GABRB1: variants seen among roughly 807,000 people sequenced by gnomAD.
The protein encoded by GABRB1 is gamma-aminobutyric acid type A receptor subunit beta1, also known as gamma-aminobutyric acid receptor subunit beta-1.
In GABRB1, 17 loss-of-function variants were observed where a neutral mutation model predicts 51.6. The ratio of observed to expected loss-of-function variants is 0.33; its 90% CI spans 0.23 to 0.49. The LOEUF (loss-of-function observed/expected upper bound fraction) is 0.49, where lower values mean the gene tolerates loss of function less well. Ranked by LOEUF, GABRB1 falls within the 20% of genes least tolerant of loss-of-function variation. The pLI, the probability that GABRB1 is intolerant of heterozygous loss-of-function variation, is 0.99. For missense variants in GABRB1, 410 were observed against 600.6 expected (o/e 0.68, Z 3.32); for synonymous variants, 247 against 218.9 (o/e 1.13, Z -1.14).
intron 4 of GABRB1, among the ~76,000 whole-genome samples, chr4:47,162,942 T>C (rs982370304): frequency 2.0e-5 from 3 of 152,086 alleles, no homozygotes; most frequent in Admixed American, 6.6e-5. Context: ...AGCCTCACAC[T>C]AGTTCTCATA....
intron 5 of GABRB1, among the ~76,000 whole-genome samples, chr4:47,377,052 A>C (rs559915409): frequency 5.4e-5 from 8 of 149,486 alleles, no homozygotes; most frequent in South Asian, 2.1e-4. Flanking sequence ...ATAAAAAAAA[A>C]GGGTAGAGAG....
intron 3 of GABRB1, among the ~76,000 whole-genome samples, chr4:47,099,693 A>C (rs953633727): frequency 5.3e-5 from 8 of 152,028 alleles, no homozygotes; most frequent in Non-Finnish European, 1.0e-4. Flanking sequence ...GTCTCTGTAG[A>C]GCTGGTGAGT....
chr4:47,016,801 G>A (rs1407988379), intron 1 of GABRB1, among the ~76,000 whole-genome samples: 1 of 152,024 alleles, frequency 6.6e-6, no homozygotes, highest in Non-Finnish European at 1.5e-5. Context: ...TATGGGCCAG[G>A]CTGGTCTCCA....
intron 8 of GABRB1, among the ~76,000 whole-genome samples, chr4:47,420,484 C>T (rs1029463007): frequency 2.0e-5 from 3 of 152,154 alleles, no homozygotes; most frequent in African/African-American, 7.2e-5. Flanking sequence ...CTTAGAAATC[C>T]AGTATGTTAA....
intron 4 of GABRB1, among the ~76,000 whole-genome samples, chr4:47,291,463 T>G (rs1201549246): frequency 6.6e-6 from 1 of 152,192 alleles, no homozygotes; most frequent in Non-Finnish European, 1.5e-5. Context: ...TATGGGGCAC[T>G]GCCTAGTGAA....
intron 3 of GABRB1, among the ~76,000 whole-genome samples, chr4:47,129,050 T>C (rs1716293230): frequency 6.6e-6 from 1 of 152,032 alleles, no homozygotes; most frequent in African/African-American, 2.4e-5. Flanking sequence ...ACATACATGA[T>C]TGTACAAATC....
At chr4:47,042,197 A>G (rs1452452544) in intron 3 of GABRB1, among the ~76,000 whole-genome samples, 1 of 151,740 alleles carries the variant, frequency 6.6e-6, no homozygotes, top group Non-Finnish European at 1.5e-5. Flanking sequence ...TAGTAAATAT[A>G]GCATTTACAT....
chr4:47,367,315 C>T (rs1727012795), intron 5 of GABRB1, among the ~76,000 whole-genome samples: 1 of 152,162 alleles, frequency 6.6e-6, no homozygotes, highest in African/African-American at 2.4e-5. Context: ...CTGTAAGCAA[C>T]TTTAGAAAGC....
At chr4:47,420,763 C>T (rs1029395939) in intron 8 of GABRB1, among the ~76,000 whole-genome samples, 32 of 152,162 alleles carry the variant, frequency 2.1e-4, no homozygotes, top group African/African-American at 7.7e-4. Flanking sequence ...ATGGTTGAGG[C>T]AAAGGGAAAG....
intron 3 of GABRB1, among the ~76,000 whole-genome samples, chr4:47,099,946 T>C (rs76642652): frequency 6.6e-6 from 1 of 152,154 alleles, no homozygotes; most frequent in East Asian, 1.9e-4. Context: ...TGATTTGGTT[T>C]AAGAATATTT....
intron 4 of GABRB1, among the ~76,000 whole-genome samples, chr4:47,272,816 A>C (rs1481301378): frequency 6.6e-6 from 1 of 152,182 alleles, no homozygotes; most frequent in African/African-American, 2.4e-5. Flanking sequence ...TGTTATAAAT[A>C]GTGCTATAAT....
At chr4:47,278,321 G>T (rs540780444) in intron 4 of GABRB1, among the ~76,000 whole-genome samples, 8 of 152,056 alleles carry the variant, frequency 5.3e-5, no homozygotes, top group South Asian at 4.2e-4. Flanking sequence ...TGCCAATTAC[G>T]TTACAATGGT....
At chr4:47,255,771 T>A (rs1473172635) in intron 4 of GABRB1, among the ~76,000 whole-genome samples, 1 of 152,222 alleles carries the variant, frequency 6.6e-6, no homozygotes. Flanking sequence ...AGGATTTACC[T>A]TTCCAACAAA....
At chr4:47,303,013 T>A (rs1198109243) in intron 4 of GABRB1, among the ~76,000 whole-genome samples, 2 of 152,016 alleles carry the variant, frequency 1.3e-5, no homozygotes, top group Non-Finnish European at 2.9e-5. Flanking sequence ...TGTGCTCACA[T>A]GTTCTTTATG....
intron 1 of GABRB1, among the ~76,000 whole-genome samples, chr4:47,003,378 G>A (rs1724288603): frequency 6.6e-6 from 1 of 152,046 alleles, no homozygotes; most frequent in Admixed American, 6.5e-5. Context: ...TCGAGGATGG[G>A]GATGATGTTT....
At chr4:47,395,757 C>T (rs1427987418) in intron 5 of GABRB1, among the ~76,000 whole-genome samples, 1 of 152,178 alleles carries the variant, frequency 6.6e-6, no homozygotes, top group Non-Finnish European at 1.5e-5. Flanking sequence ...TATCATCCAT[C>T]TTCCTAGTCC....
chr4:47,111,908 C>G (rs1715229073), intron 3 of GABRB1, among the ~76,000 whole-genome samples: 1 of 151,560 alleles, frequency 6.6e-6, no homozygotes, highest in Non-Finnish European at 1.5e-5. Context: ...TTTTAAATAT[C>G]ATTTGACACA....
chr4:47,176,685 G>C (rs1362496972), intron 4 of GABRB1, among the ~76,000 whole-genome samples: 2 of 151,876 alleles, frequency 1.3e-5, no homozygotes, highest in African/African-American at 2.4e-5. Context: ...ATGGAGATGA[G>C]GTCCAATGTC....
intron 4 of GABRB1, among the ~76,000 whole-genome samples, chr4:47,222,018 A>G (rs1164162694): frequency 6.6e-6 from 1 of 152,130 alleles, no homozygotes; most frequent in Non-Finnish European, 1.5e-5. Flanking sequence ...AGACATTTTA[A>G]AAATCAAAAT....
Sources: gnomAD v4.1 joint callset for allele counts (sites outside exome capture counted in the v4.1 genomes callset) on GRCh38, gnomAD v4.1.1 for gene constraint, MANE v1.5 for transcripts, NCBI Gene and HGNC (gene_info 2026-07-23, HGNC 2026-07-21) for gene names.